CSMD1: variants seen among roughly 807,000 people sequenced by gnomAD.
CSMD1 encodes the protein CUB and Sushi multiple domains 1, also known as CUB and sushi domain-containing protein 1.
In CSMD1, 213 loss-of-function variants were observed where a neutral mutation model predicts 417.5. The observed-to-expected ratio is 0.51, with a 90% CI of 0.46 to 0.57. The LOEUF is 0.57. CSMD1 is among the 20% of genes least tolerant of loss of function. The pLI is 0.00. For synonymous variants in CSMD1, 2,862 were observed against 1,736.8 expected, an observed-to-expected ratio of 1.65 and a Z score of -16.11; for missense variants, 6,923 against 4,529.7, an observed-to-expected ratio of 1.53 and a Z score of -15.17.
At chr8:3,293,335 T>C (rs928805413) in intron 25 of CSMD1, among the ~76,000 whole-genome samples, 1 of 152,156 alleles carries the variant, frequency 6.6e-6, no homozygotes, top group East Asian at 1.9e-4. Context: ...AGTATCTTTG[T>C]GGCGTTCTCT....
At chr8:3,175,507 G>GCCTGCCTGCCTT (rs149583717) in intron 37 of CSMD1, among the ~76,000 whole-genome samples, 62,794 of 125,238 alleles carry the variant, frequency 0.5, 16,040 homozygotes, top group Non-Finnish European at 0.57. Context: ...CTGCCTGCCT[G>GCCTGCCTGCCTT]CCTTTTTTCC....
chr8:4,407,092 A>C (rs924542175), intron 3 of CSMD1, among the ~76,000 whole-genome samples: 2 of 152,178 alleles, frequency 1.3e-5, no homozygotes, highest in Admixed American at 6.6e-5. Flanking sequence ...TGGCGCTTTC[A>C]TACTGTAGCA....
intron 7 of CSMD1, among the ~76,000 whole-genome samples, chr8:3,690,702 G>A (rs769543769): frequency 7.9e-5 from 12 of 152,090 alleles, no homozygotes; most frequent in South Asian, 2.1e-4. Context: ...TACATAAAGC[G>A]CATAGCTGAT....
chr8:3,219,988 T>C (rs1262868217), intron 28 of CSMD1, among the ~76,000 whole-genome samples: 9 of 152,144 alleles, frequency 5.9e-5, no homozygotes, highest in South Asian at 2.1e-4. Flanking sequence ...TGTACAAAAA[T>C]ACAAAAGTTA....
At chr8:4,061,081 G>A (rs184424917) in intron 3 of CSMD1, among the ~76,000 whole-genome samples, 1 of 152,006 alleles carries the variant, frequency 6.6e-6, no homozygotes, top group Non-Finnish European at 1.5e-5. Context: ...TTTGTTTGTT[G>A]TATTATTTTT....
Position 4,699,422 on chromosome 8 carries a change from C to T in CSMD1, c.86-61864G>A, listed in dbSNP as rs371621466. On this transcript the variant is annotated intron_variant, in intron 1 of 69. Coordinates refer to ENST00000635120, the MANE Select transcript of CSMD1 (RefSeq NM_033225.6). Reference sequence around the variant, plus strand: ...ACTCTATCATCTTTTAATGCCTGTTCTATTGTCAAGACCCAGGTTCAATGT... The same window carrying T: ...ACTCTATCATCTTTTAATGCCTGTTTTATTGTCAAGACCCAGGTTCAATGT... Among the ~76,000 whole-genome samples, 6 of 152,258 alleles carry T rather than the reference C, an allele frequency of 3.9e-5. No homozygotes were observed. The East Asian group carries it at 1.2e-3, about 29-fold the overall frequency.
At chr8:2,990,413 T>C (rs1343081289) in intron 54 of CSMD1, among the ~76,000 whole-genome samples, 2 of 152,246 alleles carry the variant, frequency 1.3e-5, no homozygotes, top group Non-Finnish European at 2.9e-5. Context: ...CAAGATTTCA[T>C]TCAGCTCCGG....
At chr8:3,008,398 C>A (rs1808123900) in intron 52 of CSMD1, among the ~76,000 whole-genome samples, 1 of 152,182 alleles carries the variant, frequency 6.6e-6, no homozygotes, top group Non-Finnish European at 1.5e-5. Flanking sequence ...AGGCTGCACA[C>A]CTGCAGTTTA....
At chr8:4,264,849 G>C (rs1198786661) in intron 3 of CSMD1, among the ~76,000 whole-genome samples, 1 of 152,164 alleles carries the variant, frequency 6.6e-6, no homozygotes, top group Non-Finnish European at 1.5e-5. Context: ...TTCAATCCTA[G>C]ATGAGTAAAT....
At chr8:4,246,287 T>C (rs1016981072) in intron 3 of CSMD1, among the ~76,000 whole-genome samples, 1 of 152,144 alleles carries the variant, frequency 6.6e-6, no homozygotes, top group South Asian at 2.1e-4. Context: ...GGTTTTCTGT[T>C]CCTGGGTTAG....
At position 4,039,752 on chromosome 8, in the gene CSMD1, TG is replaced by T. The variant is rs530683208; in HGVS notation, c.416-7654del. 8.5e-5 allele frequency among the ~76,000 whole-genome samples: 13 copies of T among 152,220 alleles called. No homozygotes were observed. The East Asian group carries it at 2.5e-3, about 29-fold the overall frequency. ...GCCAAATAAGAAAGATAAATTGATG[TG>T]GGGGAAGTCGTTGTGGCAAGCATTT... On this transcript the variant is annotated intron_variant, in intron 3 of 69. Transcript: ENST00000635120.
At chr8:4,814,292 C>G (rs553382621) in intron 1 of CSMD1, among the ~76,000 whole-genome samples, 2 of 152,106 alleles carry the variant, frequency 1.3e-5, no homozygotes, top group African/African-American at 4.8e-5. Context: ...AATGGCCAGG[C>G]TGGAGCGCAA....
chr8:3,377,848 A>G (rs1000254631), intron 18 of CSMD1, among the ~76,000 whole-genome samples: 3 of 152,212 alleles, frequency 2.0e-5, no homozygotes, highest in Non-Finnish European at 2.9e-5. Context: ...TGAGTATGTA[A>G]AATGTATTAG....
At chr8:3,489,818 T>C (rs1054759882) in intron 11 of CSMD1, among the ~76,000 whole-genome samples, 2 of 152,190 alleles carry the variant, frequency 1.3e-5, no homozygotes, top group Non-Finnish European at 2.9e-5. Context: ...GAGATGTAAC[T>C]AGAATTCCAT....
chr8:4,094,418 G>C (rs1800890904), intron 3 of CSMD1, among the ~76,000 whole-genome samples: 1 of 152,130 alleles, frequency 6.6e-6, no homozygotes, highest in Admixed American at 6.5e-5. Context: ...AGGCAGGGCG[G>C]TCAGGTGTGT....
intron 59 of CSMD1, among the ~76,000 whole-genome samples, chr8:2,964,834 T>C (rs968213574): frequency 2.4e-4 from 37 of 152,190 alleles, no homozygotes; most frequent in African/African-American, 7.0e-4. Context: ...AAGCCATATT[T>C]TTGAGCATTC....
intron 2 of CSMD1, among the ~76,000 whole-genome samples, chr8:4,572,733 C>T (rs775056874): frequency 2.4e-4 from 36 of 152,180 alleles, no homozygotes; most frequent in Non-Finnish European, 4.6e-4. Flanking sequence ...GTTCCATTCT[C>T]CCCGTCACTT....
At position 4,805,235 on chromosome 8, in the gene CSMD1, A is replaced by G. The variant is rs149550415; in HGVS notation, c.86-167677T>C. 4.5e-3 allele frequency among the ~76,000 whole-genome samples: 687 copies of G among 152,302 alleles called. 4 individuals are homozygous for G. Among genetic ancestry groups the G allele is most frequent in the African/African-American group, 0.016 (669 of 41,568 alleles). ...AGTCCTAAAATTATATTTCAAGAAT[A>G]TATGTATTGCACCTGTCCATCTCTT... On this transcript the variant is annotated intron_variant, in intron 1 of 69. Coordinates refer to ENST00000635120, the MANE Select transcript of CSMD1 (RefSeq NM_033225.6).
chr8:4,953,011 G>A (rs529422711), intron 1 of CSMD1, among the ~76,000 whole-genome samples: 3 of 152,150 alleles, frequency 2.0e-5, no homozygotes, highest in South Asian at 2.1e-4. Flanking sequence ...TATACTAAAG[G>A]TTTTCCACAT....
Sources: gnomAD v4.1 joint callset for allele counts (sites outside exome capture counted in the v4.1 genomes callset) on GRCh38, gnomAD v4.1.1 for gene constraint, MANE v1.5 for transcripts, NCBI Gene and HGNC (gene_info 2026-07-23, HGNC 2026-07-21) for gene names.